Variants in RANBP9 observed in about 807,000 individuals in gnomAD.
RANBP9 encodes the protein RAN binding protein 9.
In RANBP9, 15 loss-of-function variants were observed where a neutral mutation model predicts 84.3. That is an observed-to-expected ratio of 0.18 (90% CI 0.12 to 0.27). The LOEUF is 0.27. RANBP9 is among the 10% of genes least tolerant of loss of function. RANBP9 has a pLI of 1.00. For synonymous variants in RANBP9, 392 were observed against 349.6 expected, an observed-to-expected ratio of 1.12 and a Z score of -1.35; for missense variants, 809 against 912.8, an observed-to-expected ratio of 0.89 and a Z score of 1.46.
chr6:13,670,661 G>A (rs558604811), intron 2 of RANBP9, among the ~76,000 whole-genome samples: 354 of 152,076 alleles, frequency 2.3e-3, no homozygotes, highest in African/African-American at 7.9e-3. Context: ...TTAGACGGGC[G>A]TGGTGGTGGG....
At chr6:13,665,666 T>C (rs1765628650) in intron 2 of RANBP9, among the ~76,000 whole-genome samples, 2 of 152,142 alleles carry the variant, frequency 1.3e-5, no homozygotes, top group Admixed American at 1.3e-4. Context: ...CAAAAAAATT[T>C]GTACAAATAG....
chr6:13,652,715 G>A, intron 4 of RANBP9, 34 bp from the exon 5 acceptor site: 1 of 1,561,140 alleles, frequency 6.4e-7, no homozygotes, highest in African/African-American at 1.4e-5. Flanking sequence ...ATTAGAAGCT[G>A]TTTTTCAAAG....
At chr6:13,706,395 A>G (rs896796742) in intron 1 of RANBP9, among the ~76,000 whole-genome samples, 20 of 151,830 alleles carry the variant, frequency 1.3e-4, no homozygotes, top group Non-Finnish European at 2.1e-4. Flanking sequence ...TAACATTTCA[A>G]TTAAAAAGTG....
chr6:13,681,797 T>C (rs1289690841), intron 2 of RANBP9, among the ~76,000 whole-genome samples: 4 of 151,912 alleles, frequency 2.6e-5, no homozygotes, highest in South Asian at 2.1e-4. Context: ...AATCAAGAAC[T>C]AATGAAAATG....
rs1420457150 is a variant in RANBP9, at chr6:13,711,758, G to C, written c.-253C>G. The stretch of plus-strand genomic sequence containing the variant: ...GCGCGCGGCCCGGGGACGAGGCGCC[G>C]AGGGCGGGGGCGACGCGGGAGCGCG... On this transcript the variant is annotated 5_prime_UTR_variant, in exon 1 of 14. Coordinates refer to ENST00000011619, the MANE Select transcript of RANBP9 (RefSeq NM_005493.3). Among the ~76,000 whole-genome samples, 1 of 147,536 alleles carries C rather than the reference G, an allele frequency of 6.8e-6. No individual in the cohort carries two copies. Among genetic ancestry groups the C allele is most frequent in the Non-Finnish European group, 1.5e-5 (1 of 66,364 alleles).
At chr6:13,639,949 A>G (rs1233983907) in intron 8 of RANBP9, among the ~76,000 whole-genome samples, 196 bp from the exon 9 acceptor site, 2 of 152,222 alleles carry the variant, frequency 1.3e-5, no homozygotes, top group Non-Finnish European at 2.9e-5. Flanking sequence ...TGAGAGTACA[A>G]TGTAATAGAC....
intron 2 of RANBP9, among the ~76,000 whole-genome samples, chr6:13,666,937 A>T (rs903175024): frequency 6.6e-6 from 1 of 152,190 alleles, no homozygotes; most frequent in Admixed American, 6.6e-5. Context: ...TTGTAATACC[A>T]GTTGTGGCTG....
chr6:13,678,439 A>G (rs1471045676), intron 2 of RANBP9, among the ~76,000 whole-genome samples: 4 of 152,300 alleles, frequency 2.6e-5, no homozygotes, highest in African/African-American at 9.6e-5. Flanking sequence ...TTTCTTAGAG[A>G]TAAGAGGGCT....
chr6:13,675,099 TGGCAGACACAGCA>T (rs2113315957), intron 2 of RANBP9, among the ~76,000 whole-genome samples: 1 of 152,302 alleles, frequency 6.6e-6, no homozygotes, highest in East Asian at 1.9e-4. Context: ...TATCAACAAC[TGGCAGACACAGCA>T]GGCAGAAAAC....
rs79478304 is a variant in RANBP9, at chr6:13,704,638, A to G, written c.571+6297T>C. On this transcript the variant is annotated intron_variant, in intron 1 of 13. Coordinates refer to ENST00000011619, the MANE Select transcript of RANBP9 (RefSeq NM_005493.3). ...GGAGTCAGACCCTGCCTCAAAAGAG[A>G]AAAAAAAAAAAGCCTCCTAATTGAT... 4.8e-5 allele frequency among the ~76,000 whole-genome samples: 7 copies of G among 144,682 alleles called. No homozygotes were observed. The South Asian group carries it at 1.3e-3, about 27-fold the overall frequency. 94.9% of individuals were successfully genotyped at this position (144,682 alleles called of 152,430 possible). A position where few individuals can be genotyped will look rare whatever the true frequency, so the allele number is the denominator to read the frequency against.
chr6:13,704,109 G>A (rs204221), intron 1 of RANBP9, among the ~76,000 whole-genome samples: 1 of 152,164 alleles, frequency 6.6e-6, no homozygotes. Context: ...CCTTTCTCTG[G>A]CCTTACCACT....
intron 2 of RANBP9, among the ~76,000 whole-genome samples, chr6:13,678,272 T>C (rs931102522): frequency 2.0e-5 from 3 of 152,218 alleles, no homozygotes; most frequent in African/African-American, 2.4e-5. Flanking sequence ...GGAAAGCAAT[T>C]GTTGAGAAAG....
At chr6:13,643,514 T>C (rs1765113697) in intron 6 of RANBP9, among the ~76,000 whole-genome samples, 2 of 152,176 alleles carry the variant, frequency 1.3e-5, no homozygotes, top group Admixed American at 1.3e-4. Flanking sequence ...CAGATCTGCA[T>C]CTTATTTTAC....
In RANBP9 at chr6:13,711,486, G is replaced by A. The variant is rs760391694; in HGVS notation, c.20C>T (p.Pro7Leu). The A allele has an allele frequency of 3.0e-4, 369 of 1,247,432 alleles. 2 individuals carry two copies. The highest frequency in any genetic ancestry group is 3.2e-4 in the Non-Finnish European group (315 of 995,134). The allele number at this position is 1,247,432 out of a possible 1,614,324, so 77.3% of individuals were successfully genotyped here. MSGQPP[P>L]PPPQQQQQQQ... is the part of the protein sequence containing the mutation. The stretch of plus-strand genomic sequence containing the variant: ...CTGTTGCTGCTGCTGCGGCGGCGGC[G>A]GCGGCGGCTGCCCGGACATCCCGGC... Residue 7 changes from proline to leucine, a missense_variant, in exon 1 of 14, where the codon CCG becomes CTG. Pro to Leu is a moderately conservative substitution (Grantham distance 98). Coordinates refer to ENST00000011619, the MANE Select transcript of RANBP9 (RefSeq NM_005493.3).
At chr6:13,626,155 C>CT (rs1764597640) in intron 12 of RANBP9, among the ~76,000 whole-genome samples, 1 of 152,130 alleles carries the variant, frequency 6.6e-6, no homozygotes, top group Non-Finnish European at 1.5e-5. Flanking sequence ...TCTGCATTTC[C>CT]TTTTTTCAAC....
At chr6:13,646,032 C>T (rs998078687) in intron 5 of RANBP9, among the ~76,000 whole-genome samples, 1 of 152,160 alleles carries the variant, frequency 6.6e-6, no homozygotes, top group Non-Finnish European at 1.5e-5. Flanking sequence ...ACAGAGCTAA[C>T]AAGTTTATAA....
rs199683599 is a variant in RANBP9, at chr6:13,644,721, C to A, written c.936G>T (p.Leu312Phe). ...GIAFTDLPPN[L>F]YPTVGLQTPG... ...GTGTTTGAAGCCCCACAGTAGGATA[C>A]AAATTTGGCTGTAAGATAGCATATT... Residue 312 changes from leucine (L) to phenylalanine (F), a missense_variant, in exon 6 of 14, where the codon TTG (leucine) becomes TTT (phenylalanine). Physicochemically the swap from Leu to Phe is conservative, Grantham distance 22 (BLOSUM62 0). Coordinates refer to ENST00000011619, the MANE Select transcript of RANBP9 (RefSeq NM_005493.3). 6.3e-7 allele frequency: 1 copy of A among 1,594,254 alleles called. No individual in the cohort carries two copies. Among genetic ancestry groups the A allele is most frequent in the Admixed American group, 1.8e-5 (1 of 55,278 alleles).
At chr6:13,676,481 C>T (rs923349556) in intron 2 of RANBP9, among the ~76,000 whole-genome samples, 1 of 151,880 alleles carries the variant, frequency 6.6e-6, no homozygotes, top group African/African-American at 2.4e-5. Context: ...AATGCCAAAA[C>T]CAAATAAAGA....
At chr6:13,634,355 G>A (rs1346178864) in intron 11 of RANBP9, 76 bp downstream of exon 11, 5 of 1,509,732 alleles carry the variant, frequency 3.3e-6, no homozygotes, top group Non-Finnish European at 4.5e-6. Flanking sequence ...CTCATCAGCT[G>A]TGAATCAGTA....
Sources: gnomAD v4.1 joint callset for allele counts (sites outside exome capture counted in the v4.1 genomes callset) on GRCh38, gnomAD v4.1.1 for gene constraint, MANE v1.5 for transcripts, NCBI Gene and HGNC (gene_info 2026-07-23, HGNC 2026-07-21) for gene names.